The following CEP63 variants were observed in gnomAD, a reference collection of about 807,000 sequenced individuals.
CEP63 encodes centrosomal protein 63.
Under a neutral mutation model 89.1 loss-of-function variants are expected in CEP63, and 84 were observed. The ratio of observed to expected loss-of-function variants is 0.94; its 90% CI spans 0.79 to 1.13. The LOEUF (loss-of-function observed/expected upper bound fraction) is 1.13, where lower values mean the gene tolerates loss of function less well. Ranked by LOEUF, CEP63 falls within the 50% of genes most tolerant of loss-of-function variation. The pLI, the probability that CEP63 is intolerant of heterozygous loss-of-function variation, is 0.00. For synonymous variants in CEP63, 267 were observed against 272.5 expected (o/e 0.98, Z 0.20); for missense variants, 838 against 813.3 (o/e 1.03, Z -0.37).
chr3:134,566,785 G>C (rs1577480937), downstream of CEP63, among the ~76,000 whole-genome samples: 1 of 152,264 alleles, frequency 6.6e-6, no homozygotes, highest in East Asian at 1.9e-4. Context: ...CACAAGTGTT[G>C]AAGATGATGT....
chr3:134,513,436 T>C (rs1945465591), intron 3 of CEP63, among the ~76,000 whole-genome samples: 1 of 152,316 alleles, frequency 6.6e-6, no homozygotes, highest in East Asian at 1.9e-4. Flanking sequence ...TTAGGTAATT[T>C]GGGCCAGTCC....
the CEP63 span, among the ~76,000 whole-genome samples, chr3:134,732,541 A>C: frequency 1.3e-5 from 2 of 152,182 alleles, no homozygotes; most frequent in Non-Finnish European, 2.9e-5. Context: ...TGCAAGAAGA[A>C]ATACATTTGA....
rs761730966 is a variant in CEP63, at chr3:134,546,191, T to G, written c.832T>G (p.Ser278Ala). ...EKRELKAALQSQENLIHEARI... is the reference protein window; with the variant it reads ...EKRELKAALQAQENLIHEARI... ...GAGAGAATTGAAGGCAGCTCTTCAG[T>G]CTCAAGAAAATCTCATACATGAGGC... Residue 278 changes from serine to alanine, a missense_variant, in exon 8 of 15, where the codon TCT (serine) becomes GCT (alanine). Transcript: ENST00000675561. 1 of 1,613,912 alleles carries G rather than the reference T, an allele frequency of 6.2e-7. No homozygotes were observed. Among genetic ancestry groups the G allele is most frequent in the Non-Finnish European group, 8.5e-7 (1 of 1,179,922 alleles).
chr3:134,663,953 G>C, the CEP63 span, among the ~76,000 whole-genome samples: 1 of 152,212 alleles, frequency 6.6e-6, no homozygotes, highest in African/African-American at 2.4e-5. Context: ...GGTAGGATGG[G>C]GTGGGGACAG....
chr3:134,680,531 G>A, the CEP63 span, among the ~76,000 whole-genome samples: 1 of 152,194 alleles, frequency 6.6e-6, no homozygotes, highest in East Asian at 1.9e-4. Context: ...ACTTTACTGA[G>A]CCTCAGTTTC....
the CEP63 span, chr3:134,608,242 T>C: frequency 8.4e-7 from 1 of 1,192,410 alleles, no homozygotes; most frequent in East Asian, 5.8e-5. Context: ...CCAGAGGCTA[T>C]GTGTAGCCAG....
intron 11 of CEP63, among the ~76,000 whole-genome samples, chr3:134,550,739 G>T (rs989715502): frequency 3.9e-5 from 6 of 152,194 alleles, no homozygotes; most frequent in Non-Finnish European, 8.8e-5. Flanking sequence ...GCCACGTAAA[G>T]GAGTTATACT....
intron 3 of CEP63, among the ~76,000 whole-genome samples, chr3:134,528,508 T>C (rs1357845877): frequency 1.3e-5 from 2 of 151,970 alleles, no homozygotes; most frequent in East Asian, 3.8e-4. Flanking sequence ...TTGTCTAACA[T>C]GTGATAGAGG....
At chr3:134,507,565 T>G (rs1421955065) in intron 3 of CEP63, among the ~76,000 whole-genome samples, 1 of 152,190 alleles carries the variant, frequency 6.6e-6, no homozygotes, top group Non-Finnish European at 1.5e-5. Flanking sequence ...TTGTTTAACC[T>G]TCATCATATT....
At chr3:134,674,909 C>A in the CEP63 span, among the ~76,000 whole-genome samples, 1 of 152,056 alleles carries the variant, frequency 6.6e-6, no homozygotes, top group Non-Finnish European at 1.5e-5. Flanking sequence ...AAAGAAAAGG[C>A]CTTTAAAAAT....
rs115270211 is a variant in CEP63, at chr3:134,538,328, C to T, written c.555+1060C>T. ...AAATATCAGCAGTCTGATAAACTAC[C>T]GACAGTGGCTGTGGCTCTGCTGTGA... On this transcript the variant is annotated intron_variant, in intron 6 of 14. Coordinates refer to ENST00000675561, the MANE Select transcript of CEP63 (RefSeq NM_001353108.3). Among the ~76,000 whole-genome samples, 1,144 of 150,096 alleles carry T rather than the reference C, an allele frequency of 7.6e-3. 17 individuals are homozygous for T. Among genetic ancestry groups the T allele is most frequent in the African/African-American group, 0.026 (1,085 of 41,020 alleles).
the CEP63 span, chr3:134,604,590 A>G: frequency 3.5e-6 from 3 of 853,550 alleles, no homozygotes; most frequent in Middle Eastern, 7.3e-4. Flanking sequence ...GAGCTTGTCT[A>G]TTTCCACGGT....
chr3:134,706,092 G>A, the CEP63 span, among the ~76,000 whole-genome samples: 1 of 152,140 alleles, frequency 6.6e-6, no homozygotes, highest in Non-Finnish European at 1.5e-5. Flanking sequence ...GGCTTAGTGG[G>A]TAGAGGGGAG....
chr3:134,688,184 T>A, the CEP63 span, among the ~76,000 whole-genome samples: 3 of 152,098 alleles, frequency 2.0e-5, no homozygotes, highest in African/African-American at 7.2e-5. Flanking sequence ...ACCTGGTGAA[T>A]GTAGAAACAA....
intron 2 of CEP63, among the ~76,000 whole-genome samples, chr3:134,505,068 A>C (rs1226059557): frequency 6.6e-6 from 1 of 152,068 alleles, no homozygotes; most frequent in African/African-American, 2.4e-5. Context: ...CACTGAGTTT[A>C]TTTAATAACA....
intron 2 of CEP63, among the ~76,000 whole-genome samples, chr3:134,505,347 G>A (rs568849119): frequency 6.6e-6 from 1 of 152,174 alleles, no homozygotes; most frequent in South Asian, 2.1e-4. Context: ...GGGTGCAAGA[G>A]TGTAGTTTCT....
chr3:134,755,186 A>G, the CEP63 span, among the ~76,000 whole-genome samples: 1 of 151,852 alleles, frequency 6.6e-6, no homozygotes, highest in Non-Finnish European at 1.5e-5. Context: ...GCACTTCAAC[A>G]TTCACCTATC....
At chr3:134,512,221 A>G (rs542309855) in intron 3 of CEP63, among the ~76,000 whole-genome samples, 1 of 152,230 alleles carries the variant, frequency 6.6e-6, no homozygotes, top group Non-Finnish European at 1.5e-5. Context: ...CTGTCTGTGA[A>G]TAACTTCAGC....
At chr3:134,636,181 A>G in the CEP63 span, among the ~76,000 whole-genome samples, 31 of 152,226 alleles carry the variant, frequency 2.0e-4, no homozygotes, top group Non-Finnish European at 3.5e-4. Flanking sequence ...AATAATATGG[A>G]TATTTTAAAG....
Sources: gnomAD v4.1 joint callset for allele counts (sites outside exome capture counted in the v4.1 genomes callset) on GRCh38, gnomAD v4.1.1 for gene constraint, MANE v1.5 for transcripts, NCBI Gene and HGNC (gene_info 2026-07-23, HGNC 2026-07-21) for gene names.